BET1: variants seen among roughly 807,000 people sequenced by gnomAD.
BET1 encodes Bet1 golgi vesicular membrane trafficking protein, also known as BET1 homolog.
Under a neutral mutation model 13.9 loss-of-function variants are expected in BET1, and 9 were observed. The ratio of observed to expected loss-of-function variants is 0.65; its 90% CI spans 0.39 to 1.13. The LOEUF (loss-of-function observed/expected upper bound fraction) is 1.13, where lower values mean the gene tolerates loss of function less well. Among genes scored for constraint, BET1 ranks in the 50% most tolerant of loss-of-function variants. BET1 has a pLI of 0.01. For missense variants in BET1, 127 were observed against 133.6 expected, an observed-to-expected ratio of 0.95 and a Z score of 0.24; for synonymous variants, 39 against 47.3, an observed-to-expected ratio of 0.82 and a Z score of 0.72.
downstream of BET1, chr7:93,992,715 A>G: frequency 1.0e-6 from 1 of 971,576 alleles, no homozygotes; most frequent in Non-Finnish European, 1.2e-6. Context: ...GAGAACCAAC[A>G]TTTATTGAGT....
downstream of BET1, among the ~76,000 whole-genome samples, chr7:93,988,997 A>G (rs1024992101): frequency 6.7e-6 from 1 of 148,430 alleles, no homozygotes; most frequent in Non-Finnish European, 1.5e-5. Context: ...TATAAAATAT[A>G]TATATATATA....
intron 6 of BET1, among the ~76,000 whole-genome samples, chr7:93,970,220 T>C (rs1012225583): frequency 1.3e-5 from 2 of 151,806 alleles, no homozygotes; most frequent in Non-Finnish European, 2.9e-5. Flanking sequence ...CTTTGTTTAA[T>C]AGAGGGGAGA....
At chr7:93,993,047 A>T, downstream of BET1, 5 of 981,830 alleles carry the variant, frequency 5.1e-6, no homozygotes, top group Non-Finnish European at 6.0e-6. Flanking sequence ...AAACTCAGTA[A>T]AATCCAAGAA....
downstream of BET1, among the ~76,000 whole-genome samples, chr7:93,990,198 G>C (rs1025204816): frequency 6.6e-6 from 1 of 151,858 alleles, no homozygotes; most frequent in African/African-American, 2.4e-5. Context: ...TTTTATTCCA[G>C]TAACTTTTCT....
intron 1 of BET1, among the ~76,000 whole-genome samples, chr7:94,000,107 CT>C (rs11438992): frequency 0.017 from 2,379 of 141,646 alleles, 31 homozygotes; most frequent in African/African-American, 0.045. Context: ...GTTAACTATA[CT>C]TTTTTTTTTT....
chr7:93,986,528 T>A (rs552709900), intron 4 of BET1, among the ~76,000 whole-genome samples: 1 of 152,342 alleles, frequency 6.6e-6, no homozygotes, highest in East Asian at 1.9e-4. Flanking sequence ...TGTGCCTAAT[T>A]GCCAACAGTA....
chr7:93,975,818 T>G, intron 5 of BET1: 2 of 604,018 alleles, frequency 3.3e-6, no homozygotes, highest in Non-Finnish European at 4.5e-6. Flanking sequence ...TCTCTTTTAA[T>G]ATCATGCTCA....
intron 4 of BET1, among the ~76,000 whole-genome samples, chr7:93,983,111 T>C (rs1431843355): frequency 1.3e-5 from 2 of 152,146 alleles, no homozygotes; most frequent in Non-Finnish European, 1.5e-5. Flanking sequence ...GTCTGGGAGA[T>C]TCCCATTTTA....
intron 6 of BET1, among the ~76,000 whole-genome samples, chr7:93,972,104 TGCTATAGACATTA>T (rs1795266532): frequency 6.6e-6 from 1 of 151,866 alleles, no homozygotes; most frequent in African/African-American, 2.4e-5. Context: ...GCCAGAATTT[TGCTATAGACATTA>T]GCAAGTCATT....
At chr7:94,000,574 G>A (rs1795878846) in intron 1 of BET1, among the ~76,000 whole-genome samples, 1 of 152,034 alleles carries the variant, frequency 6.6e-6, no homozygotes, top group Non-Finnish European at 1.5e-5. Context: ...AATATACTAC[G>A]GTGGCTTCAA....
At chr7:93,995,718 G>T (rs1795752679) in intron 3 of BET1, among the ~76,000 whole-genome samples, 1 of 152,206 alleles carries the variant, frequency 6.6e-6, no homozygotes, top group African/African-American at 2.4e-5. Context: ...CATGGAACCA[G>T]AGAAGGTTCA....
downstream of BET1, among the ~76,000 whole-genome samples, chr7:93,990,497 T>C (rs1325505796): frequency 6.6e-6 from 1 of 152,134 alleles, no homozygotes; most frequent in East Asian, 1.9e-4. Context: ...TTTCTCCTGC[T>C]CATTTCTAAA....
exon 7 of BET1, chr7:93,963,187 TCC>T (rs1462007749): frequency 6.6e-6 from 1 of 152,050 alleles, no homozygotes; most frequent in Non-Finnish European, 1.5e-5. Flanking sequence ...TGAAACTCTC[TCC>T]TGTCTACTTC....
At chr7:93,985,442 C>A (rs1293082635) in intron 4 of BET1, among the ~76,000 whole-genome samples, 1 of 152,166 alleles carries the variant, frequency 6.6e-6, no homozygotes, top group African/African-American at 2.4e-5. Context: ...GTGTTCAGAA[C>A]TGTCTCTCAC....
intron 6 of BET1, among the ~76,000 whole-genome samples, chr7:93,968,973 A>T (rs1795217941): frequency 6.6e-6 from 1 of 151,802 alleles, no homozygotes; most frequent in Non-Finnish European, 1.5e-5. Flanking sequence ...ATTCTTCCCC[A>T]TCCGTTCACC....
chr7:93,986,734 G>A (rs78898594), intron 4 of BET1, among the ~76,000 whole-genome samples: 2 of 152,238 alleles, frequency 1.3e-5, no homozygotes, highest in Middle Eastern at 3.4e-3. Context: ...AGATTAACTG[G>A]AGCTGAAAAA....
At chr7:93,988,310 A>G (rs575217720), downstream of BET1, among the ~76,000 whole-genome samples, 43 of 152,230 alleles carry the variant, frequency 2.8e-4, no homozygotes, top group Non-Finnish European at 5.6e-4. Context: ...AAAAGAATTG[A>G]AACACTGTTT....
At chr7:93,986,920 C>A (rs972974466) in intron 4 of BET1, among the ~76,000 whole-genome samples, 1 of 152,112 alleles carries the variant, frequency 6.6e-6, no homozygotes, top group South Asian at 2.1e-4. Context: ...CCGTATAGTA[C>A]ATGCTATACA....
intron 4 of BET1, among the ~76,000 whole-genome samples, chr7:93,987,768 A>G (rs1795554122): frequency 6.6e-6 from 1 of 152,186 alleles, no homozygotes; most frequent in Non-Finnish European, 1.5e-5. Flanking sequence ...TGATTACAAA[A>G]TGTGAATTTT....
Sources: allele counts gnomAD v4.1 joint callset (sites outside exome capture counted in the v4.1 genomes callset), GRCh38; gene constraint gnomAD v4.1.1; transcripts MANE v1.5; gene names NCBI Gene and HGNC (gene_info 2026-07-23, HGNC 2026-07-21).